Variants in PAPPA2 observed in about 807,000 individuals in gnomAD.
The protein encoded by PAPPA2 is pappalysin-2.
Under a neutral mutation model 176.4 loss-of-function variants are expected in PAPPA2, and 86 were observed. The observed-to-expected ratio is 0.49, with a 90% CI of 0.41 to 0.58. The LOEUF (loss-of-function observed/expected upper bound fraction) is 0.58. PAPPA2 is among the 20% of genes least tolerant of loss of function. PAPPA2 has a pLI of 0.00. For synonymous variants in PAPPA2, 809 were observed against 852.2 expected (o/e 0.95, Z 0.88); for missense variants, 2,073 against 2,256.9 (o/e 0.92, Z 1.65).
At position 176,623,758 on chromosome 1, in the gene PAPPA2, C is replaced by CTTT. The variant is rs1553376002; in HGVS notation, c.1991+28163_1991+28164insTTT. Among the ~76,000 whole-genome samples the CTTT allele has an allele frequency of 6.9e-3, 408 of 59,064 alleles. 12 individuals are homozygous for CTTT. Among genetic ancestry groups the CTTT allele is most frequent in the African/African-American group, 0.025 (328 of 13,178 alleles). The allele number at this position is 59,064 out of a possible 152,430, so 38.7% of individuals were successfully genotyped here. A position where few individuals can be genotyped will look rare whatever the true frequency, so the allele number is the denominator to read the frequency against. On this transcript the variant is annotated intron_variant, in intron 3 of 22. Coordinates refer to ENST00000367662, the MANE Select transcript of PAPPA2 (RefSeq NM_020318.3). ...TTTCTTTCTCTCTCTTTCCTTCCTT[C>CTTT]CTTTCTTTCTTTCTTTCTTTCTTTC...
At position 176,815,575 on chromosome 1, in the gene PAPPA2, T is replaced by C. The variant is rs114309922; in HGVS notation, c.5202+15443T>C. On this transcript the variant is annotated intron_variant, in intron 21 of 22. Coordinates refer to ENST00000367662, the MANE Select transcript of PAPPA2 (RefSeq NM_020318.3). ...AACCAAAAGTTATCTGAGACAGGTC[T>C]CAATCAATTTAGAAAGTTCATTTTG... Among the ~76,000 whole-genome samples the C allele has an allele frequency of 6.6e-3, 1,006 of 152,302 alleles. 5 individuals are homozygous for C. Among genetic ancestry groups the C allele is most frequent in the African/African-American group, 0.023 (965 of 41,574 alleles).
chr1:176,647,497 C>A (rs550434717), intron 3 of PAPPA2, among the ~76,000 whole-genome samples: 1 of 151,188 alleles, frequency 6.6e-6, no homozygotes, highest in African/African-American at 2.4e-5. Flanking sequence ...CAGTCCAATG[C>A]CATGAAAAAT....
chr1:176,699,119 G>T lies in PAPPA2; in HGVS notation c.2766G>T (p.Gln922His). ...CCCCAGGGCCTCCTGATGTGGATCAGCCCTGCGAGCCAAGCTTACAGGCCT... is the reference window on the plus strand; with the variant it reads ...CCCCAGGGCCTCCTGATGTGGATCATCCCTGCGAGCCAAGCTTACAGGCCT... Reference protein sequence around the residue: ...EEAVGPPDVDQPCEPSLQAWS... With the variant: ...EEAVGPPDVDHPCEPSLQAWS... Residue 922 changes from glutamine to histidine, a missense_variant, in exon 8 of 23, where the codon CAG becomes CAT. By Grantham distance (24) the Gln-to-His change is conservative. This residue lies in a region of PAPPA2 where 1,196 missense variants were observed against 1,330.4 expected (regional missense o/e 0.90). Coordinates refer to ENST00000367662, the MANE Select transcript of PAPPA2 (RefSeq NM_020318.3). 1 of 1,613,516 alleles carries T rather than the reference G, an allele frequency of 6.2e-7. No homozygotes were observed. Among genetic ancestry groups the T allele is most frequent in the Non-Finnish European group, 8.5e-7 (1 of 1,179,692 alleles).
intron 9 of PAPPA2, among the ~76,000 whole-genome samples, chr1:176,705,019 T>C (rs1660818604): frequency 6.6e-6 from 1 of 152,200 alleles, no homozygotes; most frequent in East Asian, 1.9e-4. Context: ...GTTTAGATTA[T>C]CTTCAAAATG....
At chr1:176,638,409 T>C (rs1372017526) in intron 3 of PAPPA2, among the ~76,000 whole-genome samples, 2 of 151,842 alleles carry the variant, frequency 1.3e-5, no homozygotes, top group Non-Finnish European at 2.9e-5. Flanking sequence ...AGATATTTGG[T>C]GGGTTTTGTT....
At chr1:176,657,272 C>T (rs2102752624) in intron 3 of PAPPA2, among the ~76,000 whole-genome samples, 1 of 151,998 alleles carries the variant, frequency 6.6e-6, no homozygotes, top group Admixed American at 6.6e-5. Flanking sequence ...AAGGCAGATG[C>T]TATTGGTCCA....
intron 17 of PAPPA2, among the ~76,000 whole-genome samples, chr1:176,772,142 G>A (rs912932227): frequency 1.3e-5 from 2 of 152,066 alleles, no homozygotes; most frequent in African/African-American, 2.4e-5. Flanking sequence ...CTGAGTGAAC[G>A]AAAAGCTTTC....
At chr1:176,671,809 G>C (rs1053443812) in intron 4 of PAPPA2, among the ~76,000 whole-genome samples, 2 of 149,148 alleles carry the variant, frequency 1.3e-5, no homozygotes, top group African/African-American at 4.9e-5. Flanking sequence ...ACTATCGCAA[G>C]AACAAAAAAT....
intron 21 of PAPPA2, among the ~76,000 whole-genome samples, chr1:176,822,944 C>A (rs547123974): frequency 6.6e-6 from 1 of 152,284 alleles, no homozygotes; most frequent in East Asian, 1.9e-4. Context: ...AGGTAATAAC[C>A]ACCAACTAAT....
intron 17 of PAPPA2, among the ~76,000 whole-genome samples, chr1:176,783,865 G>T (rs1034821820): frequency 1.3e-5 from 2 of 152,136 alleles, no homozygotes; most frequent in Non-Finnish European, 2.9e-5. Flanking sequence ...AAAAACTTCT[G>T]GCAGGTTTAA....
At chr1:176,644,403 T>A (rs114964874) in intron 3 of PAPPA2, among the ~76,000 whole-genome samples, 178 of 151,996 alleles carry the variant, frequency 1.2e-3, no homozygotes, top group African/African-American at 3.7e-3. Flanking sequence ...CAGGATTTTT[T>A]AAAAATGTCT....
chr1:176,480,901 C>T (rs991648948), intron 1 of PAPPA2, among the ~76,000 whole-genome samples: 2 of 152,100 alleles, frequency 1.3e-5, no homozygotes, highest in African/African-American at 4.8e-5. Flanking sequence ...CACCTTCCCA[C>T]AGCAGCCACC....
At chr1:176,602,390 G>T (rs747135662) in intron 3 of PAPPA2, among the ~76,000 whole-genome samples, 1 of 152,160 alleles carries the variant, frequency 6.6e-6, no homozygotes, top group Non-Finnish European at 1.5e-5. Context: ...AATAGAAAGG[G>T]TGTATCTTGG....
chr1:176,539,697 G>C (rs1650269228), intron 1 of PAPPA2, among the ~76,000 whole-genome samples: 1 of 152,134 alleles, frequency 6.6e-6, no homozygotes, highest in African/African-American at 2.4e-5. Flanking sequence ...AGTGGGTGCT[G>C]CTACCCCAAT....
At chr1:176,555,051 C>T (rs1380063008) in intron 1 of PAPPA2, among the ~76,000 whole-genome samples, 1 of 149,508 alleles carries the variant, frequency 6.7e-6, no homozygotes, top group Non-Finnish European at 1.5e-5. Flanking sequence ...AAGAGTACTC[C>T]AAAACACTAT....
chr1:176,692,125 G>A lies in PAPPA2; in HGVS notation c.2432-1G>A. 1 of 1,610,082 alleles carries A rather than the reference G, an allele frequency of 6.2e-7. No homozygotes were observed. The highest frequency in any genetic ancestry group is 2.2e-5 in the East Asian group (1 of 44,768). Reference sequence around the variant, plus strand: ...TTGTGCCACCTTTTTTGTCTCCACAGATGATAACTGCACTGACAACTTCAC... The same window carrying A: ...TTGTGCCACCTTTTTTGTCTCCACAAATGATAACTGCACTGACAACTTCAC... On this transcript the variant is annotated splice_acceptor_variant, in intron 5 of 22. Coordinates refer to ENST00000367662, the MANE Select transcript of PAPPA2 (RefSeq NM_020318.3). LOFTEE classifies it high-confidence loss of function.
intron 21 of PAPPA2, among the ~76,000 whole-genome samples, chr1:176,837,099 C>T (rs887946842): frequency 2.0e-5 from 3 of 152,186 alleles, no homozygotes; most frequent in Admixed American, 1.3e-4. Flanking sequence ...AAGCGGTATT[C>T]GTAGGGCAGA....
Position 176,538,662 on chromosome 1 carries a change from C to G in PAPPA2, c.-916-16745C>G, listed in dbSNP as rs889786079. Among the ~76,000 whole-genome samples, 9 of 152,138 alleles carry G rather than the reference C, an allele frequency of 5.9e-5. No individual in the cohort carries two copies. In the East Asian group the frequency reaches 1.7e-3, roughly 29 times the overall value. On this transcript the variant is annotated intron_variant, in intron 1 of 22. Coordinates refer to ENST00000367662, the MANE Select transcript of PAPPA2 (RefSeq NM_020318.3). ...TCAGTCTCTTTCTTCATTCCTTTCC[C>G]CATCTCCACCCATGGTGGCCCAAGT...
intron 4 of PAPPA2, among the ~76,000 whole-genome samples, chr1:176,681,650 T>C (rs1659591205): frequency 6.6e-6 from 1 of 152,150 alleles, no homozygotes; most frequent in South Asian, 2.1e-4. Flanking sequence ...AAATATGGTG[T>C]ATCTGTGGTT....
Sources: gnomAD v4.1 joint callset for allele counts (sites outside exome capture counted in the v4.1 genomes callset) on GRCh38, gnomAD v4.1.1 for gene constraint, gnomAD v4.1.1 regional missense constraint, MANE v1.5 for transcripts, NCBI Gene and HGNC (gene_info 2026-07-23, HGNC 2026-07-21) for gene names.